The following CRISPLD2 variants were observed in gnomAD, a reference collection of about 807,000 sequenced individuals.
CRISPLD2 encodes the protein cysteine-rich secretory protein LCCL domain-containing 2.
A neutral mutation model predicts 71.1 loss-of-function variants in CRISPLD2; 47 were observed. The observed-to-expected ratio is 0.66, with a 90% CI of 0.52 to 0.84. The LOEUF is 0.84. CRISPLD2 is among the 40% of genes least tolerant of loss of function. CRISPLD2 has a pLI of 0.00. For missense variants in CRISPLD2, 830 were observed against 651.1 expected (o/e 1.27, Z -2.99); for synonymous variants, 317 against 250.1 (o/e 1.27, Z -2.52).
intron 12 of CRISPLD2, among the ~76,000 whole-genome samples, chr16:84,879,121 G>C (rs1378228188): frequency 1.3e-5 from 2 of 152,172 alleles, no homozygotes; most frequent in South Asian, 4.1e-4. Flanking sequence ...CCCACTTCAG[G>C]CTTTCTCTGG....
intron 2 of CRISPLD2, among the ~76,000 whole-genome samples, chr16:84,845,506 C>T (rs1408569329): frequency 6.6e-6 from 1 of 152,246 alleles, no homozygotes; most frequent in Non-Finnish European, 1.5e-5. Context: ...GGTCACTCAG[C>T]ATGGCCACTC....
intron 13 of CRISPLD2, among the ~76,000 whole-genome samples, chr16:84,887,564 G>A (rs2071624044): frequency 6.6e-6 from 1 of 152,204 alleles, no homozygotes; most frequent in Non-Finnish European, 1.5e-5. Context: ...TCATTCTCCT[G>A]GGGATTCTAT....
chr16:84,875,502 A>T (rs2071510708), intron 11 of CRISPLD2, among the ~76,000 whole-genome samples: 1 of 139,082 alleles, frequency 7.2e-6, no homozygotes, highest in Admixed American at 8.1e-5. Flanking sequence ...TTCTTTTTCC[A>T]GTGTGGCCTA....
At chr16:84,835,901 C>A (rs1049254702) in intron 1 of CRISPLD2, among the ~76,000 whole-genome samples, 8 of 152,226 alleles carry the variant, frequency 5.3e-5, no homozygotes, top group African/African-American at 1.9e-4. Context: ...CTCCTGTTTT[C>A]TCACTTTGGC....
chr16:84,887,252 C>T (rs1331337830), intron 13 of CRISPLD2, among the ~76,000 whole-genome samples: 1 of 152,180 alleles, frequency 6.6e-6, no homozygotes, highest in East Asian at 1.9e-4. Flanking sequence ...CTTTTAAGCT[C>T]AGACCTGCTG....
At chr16:84,846,098 G>A (rs1015723964) in intron 3 of CRISPLD2, 194 bp downstream of exon 3, 1 of 482,836 alleles carries the variant, frequency 2.1e-6, no homozygotes, top group Non-Finnish European at 3.7e-6. Flanking sequence ...TTCAAGCTTG[G>A]TTGGCTGACC....
At chr16:84,880,340 C>T (rs2071557263) in intron 12 of CRISPLD2, among the ~76,000 whole-genome samples, 169 bp from the exon 13 acceptor site, 1 of 152,110 alleles carries the variant, frequency 6.6e-6, no homozygotes, top group African/African-American at 2.4e-5. Context: ...AATATCTTTA[C>T]CTCTGCTGAG....
At chr16:84,850,714 G>C (rs1189974906) in intron 5 of CRISPLD2, 31 bp downstream of exon 5, 1 of 1,571,200 alleles carries the variant, frequency 6.4e-7, no homozygotes, top group Admixed American at 1.7e-5. Flanking sequence ...TGTATGGGGT[G>C]GGGGTTGGGA....
At chr16:84,867,146 G>A (rs774192) in intron 7 of CRISPLD2, 106 bp downstream of exon 7, 864,499 of 1,205,602 alleles carry the variant, frequency 0.72, 313,268 homozygotes, top group East Asian at 0.93. Flanking sequence ...CAAATCCACA[G>A]GCAGTGGCAA....
chr16:84,901,757 C>T (rs1043466433), intron 14 of CRISPLD2, among the ~76,000 whole-genome samples: 4 of 139,292 alleles, frequency 2.9e-5, no homozygotes, highest in East Asian at 2.2e-4. Context: ...GGATTATAGG[C>T]GTGAGCCACT....
intron 14 of CRISPLD2, among the ~76,000 whole-genome samples, chr16:84,897,259 C>T (rs2071714260): frequency 3.4e-5 from 5 of 146,228 alleles, no homozygotes; most frequent in Admixed American, 2.1e-4. Flanking sequence ...GCTTGACCAA[C>T]AGGGTGTAAT....
At chr16:84,906,346 T>A (rs772157395) in intron 14 of CRISPLD2, among the ~76,000 whole-genome samples, 2 of 151,938 alleles carry the variant, frequency 1.3e-5, no homozygotes, top group African/African-American at 2.4e-5. Context: ...TAAAAGGAAA[T>A]AACTTAACAG....
chr16:84,897,309 G>A (rs1418677138), intron 14 of CRISPLD2, among the ~76,000 whole-genome samples: 2 of 146,208 alleles, frequency 1.4e-5, no homozygotes, highest in African/African-American at 2.5e-5. Context: ...AAAAAAAGCC[G>A]GGCATGGTGG....
intron 12 of CRISPLD2, 24 bp from the exon 13 acceptor site, chr16:84,880,485 A>T (rs1455134988): frequency 1.2e-6 from 2 of 1,602,310 alleles, no homozygotes; most frequent in African/African-American, 2.7e-5. Context: ...CAGACCCATC[A>T]CATAAATGCT....
intron 1 of CRISPLD2, 116 bp from the exon 2 acceptor site, chr16:84,838,306 A>T: frequency 1.5e-6 from 1 of 669,340 alleles, no homozygotes; most frequent in Non-Finnish European, 2.5e-6. Context: ...TGTGGGCCTC[A>T]GTTTCCGCAT....
chr16:84,835,039 G>T (rs989592764), intron 1 of CRISPLD2, among the ~76,000 whole-genome samples: 1 of 152,060 alleles, frequency 6.6e-6, no homozygotes, highest in African/African-American at 2.4e-5. Context: ...CCAGCACTGG[G>T]CTCTGGGGGT....
At chr16:84,877,617 A>C (rs2071531439) in intron 12 of CRISPLD2, 107 bp downstream of exon 12, 1 of 901,908 alleles carries the variant, frequency 1.1e-6, no homozygotes, top group South Asian at 1.5e-5. Flanking sequence ...TGGGAGGCCG[A>C]GGCGGGTGGA....
intron 14 of CRISPLD2, among the ~76,000 whole-genome samples, chr16:84,898,110 G>A (rs2071722448): frequency 1.3e-5 from 2 of 152,016 alleles, no homozygotes; most frequent in Admixed American, 1.3e-4. Flanking sequence ...TTCTTTCACT[G>A]TAATAAACAA....
intron 13 of CRISPLD2, among the ~76,000 whole-genome samples, chr16:84,880,993 C>G (rs1319177448): frequency 6.6e-6 from 1 of 152,274 alleles, no homozygotes; most frequent in East Asian, 1.9e-4. Context: ...GTGTGAGTCC[C>G]CACACCCGGC....
Sources: gnomAD v4.1 joint callset for allele counts (sites outside exome capture counted in the v4.1 genomes callset) on GRCh38, gnomAD v4.1.1 for gene constraint, MANE v1.5 for transcripts, NCBI Gene and HGNC (gene_info 2026-07-23, HGNC 2026-07-21) for gene names.